CPT1C: variants seen among roughly 807,000 people sequenced by gnomAD.
CPT1C encodes palmitoyl thioesterase CPT1C.
CPT1C carries 61 observed loss-of-function variants against 97.3 expected under a neutral mutation model. The observed-to-expected ratio is 0.63, with a 90% confidence interval of 0.51 to 0.78. CPT1C has a LOEUF of 0.78. CPT1C is among the 30% of genes least tolerant of loss of function. CPT1C has a pLI of 0.00. For synonymous variants in CPT1C, 469 were observed against 447.2 expected (o/e 1.05, Z -0.61); for missense variants, 975 against 1,065.5 (o/e 0.92, Z 1.18).
intron 15 of CPT1C, 61 bp from the exon 16 acceptor site, chr19:49,710,662 C>A: frequency 6.3e-7 from 1 of 1,588,608 alleles, no homozygotes; most frequent in Non-Finnish European, 8.6e-7. Context: ...AGAGATAGGT[C>A]AAGTCTGTAA....
At chr19:49,711,610 C>T (rs559318593) in intron 16 of CPT1C, 199 bp from the exon 17 acceptor site, 7 of 609,896 alleles carry the variant, frequency 1.1e-5, no homozygotes, top group South Asian at 2.0e-5. Context: ...CCTAGGAACC[C>T]GCCTGGCTCT....
intron 13 of CPT1C, 46 bp from the exon 14 acceptor site, chr19:49,708,677 A>T: frequency 7.1e-7 from 1 of 1,410,330 alleles, no homozygotes; most frequent in Non-Finnish European, 1.0e-6. Context: ...AGATGGCCTC[A>T]GTCCACAGGG....
chr19:49,700,880 C>T (rs778674008), intron 5 of CPT1C, 25 bp downstream of exon 5: 4 of 1,606,588 alleles, frequency 2.5e-6, no homozygotes, highest in Non-Finnish European at 3.4e-6. Flanking sequence ...TAGCCCTGCT[C>T]AGGCTCTCCT....
At chr19:49,711,578 T>G (rs1400202454) in intron 16 of CPT1C, 2 of 565,486 alleles carry the variant, frequency 3.5e-6, no homozygotes, top group African/African-American at 1.9e-5. Flanking sequence ...TGGAAGGAGT[T>G]TGGACTCTGG....
In CPT1C at chr19:49,713,498, A is replaced by T. The variant is rs2084056060; in HGVS notation, c.2305A>T (p.Lys769Ter). 6.2e-7 allele frequency: 1 copy of T among 1,614,160 alleles called. No homozygotes were observed. The highest frequency in any genetic ancestry group is 8.5e-7 in the Non-Finnish European group (1 of 1,180,032). The change falls in exon 20 of 20, where the codon AAG becomes TAG. Residue 769 changes from lysine to a stop codon, truncating the protein, a stop_gained. Transcript: ENST00000598293. LOFTEE classifies it low-confidence loss of function (END_TRUNC). ...CCTGTTCCAGGCGGGACAGCATTTT[A>T]AGCGCCGGTTCAGAGGGTCAGGGAA... The part of the protein sequence containing the change: ...ASLFQAGQHF[K>*]RRFRGSGKEN...
At chr19:49,699,340 G>A (rs1238270054) in intron 4 of CPT1C, among the ~76,000 whole-genome samples, 5 of 150,206 alleles carry the variant, frequency 3.3e-5, no homozygotes, top group Non-Finnish European at 5.9e-5. Flanking sequence ...ACAATTCCAA[G>A]ACGGAGGCCG....
rs1008249736 is a variant in CPT1C at position 49,693,385 on chromosome 19, C to T, written c.141+992C>T. On this transcript the variant is annotated intron_variant, in intron 3 of 19. Coordinates refer to ENST00000598293, the MANE Select transcript of CPT1C (RefSeq NM_001199753.2). ...GAATCCTGACTCCACCGCTTAGTAG[C>T]TGTGTCATCTTGGGCAAGCACCTCT... Among the ~76,000 whole-genome samples the T allele has an allele frequency of 5.9e-5, 9 of 152,116 alleles. 1 individual carries two copies. The South Asian group carries it at 1.0e-3, about 18-fold the overall frequency.
Position 49,706,438 on chromosome 19 carries a change from C to T in CPT1C, c.1343+25C>T. On this transcript the variant is annotated intron_variant, in intron 12 of 19. Transcript: ENST00000598293. This position sits in a 1 kb window ranked among gnomAD's most constrained non-coding sequence, Gnocchi z 4.8. The stretch of plus-strand genomic sequence containing the variant: ...GGTGAGTGAGTCTTGGGATGGGGCC[C>T]CCAGATGTGGCACCCGAGAATCCAG... 1 of 1,440,240 alleles carries T rather than the reference C, an allele frequency of 6.9e-7. No individual in the cohort carries two copies. The highest frequency in any genetic ancestry group is 9.1e-7 in the Non-Finnish European group (1 of 1,104,470). The allele number at this position is 1,440,240 out of a possible 1,614,324, so 89.2% of individuals were successfully genotyped here.
At chr19:49,704,051 T>C (rs1448393968) in intron 7 of CPT1C, among the ~76,000 whole-genome samples, 3 of 152,224 alleles carry the variant, frequency 2.0e-5, no homozygotes, top group Non-Finnish European at 4.4e-5. Flanking sequence ...AGTGCTTTCT[T>C]TTGTGTTTTT....
chr19:49,706,412 C>G lies in CPT1C; in HGVS notation c.1342C>G (p.Arg448Gly). The G allele has an allele frequency of 6.8e-7, 1 of 1,477,992 alleles. No individual in the cohort carries two copies. The highest frequency in any genetic ancestry group is 8.9e-7 in the Non-Finnish European group (1 of 1,122,724). The allele number at this position is 1,477,992 out of a possible 1,614,324, so 91.6% of individuals were successfully genotyped here. A position where few individuals can be genotyped will look rare whatever the true frequency, so the allele number is the denominator to read the frequency against. ...HALLAGRGHD[R>G]WFDKSFTLIV... ...TCTGCTGGCCGGCCGGGGCCATGAT[C>G]GGTGAGTGAGTCTTGGGATGGGGCC... The change falls in exon 12 of 20, where the codon CGC (arginine) becomes GGC (glycine). Residue 448 changes from arginine to glycine, a missense_variant and splice_region_variant. This residue lies in a region of CPT1C where 596 missense variants were observed against 603.1 expected (regional missense o/e 0.99). Transcript: ENST00000598293. This position sits in a 1 kb window ranked among gnomAD's most constrained non-coding sequence, Gnocchi z 4.8.
intron 3 of CPT1C, 55 bp downstream of exon 3, chr19:49,692,448 G>A: frequency 2.5e-6 from 4 of 1,599,008 alleles, no homozygotes; most frequent in Non-Finnish European, 3.4e-6. Context: ...CTGCTTCCGG[G>A]ATGTCTGAGG....
chr19:49,708,918 C>G lies in CPT1C; in HGVS notation c.1566+79C>G. 2.2e-6 allele frequency: 2 copies of G among 922,216 alleles called. 1 individual carries two copies. The highest frequency in any genetic ancestry group is 3.4e-6 in the Non-Finnish European group (2 of 584,368). 57.1% of individuals were successfully genotyped at this position (922,216 alleles called of 1,614,324 possible). A position where few individuals can be genotyped will look rare whatever the true frequency, so the allele number is the denominator to read the frequency against. ...CTTCAAACTCATCCCCACCCCTAAT[C>G]TGAACGTGAAAATCAACCCCATTCC... On this transcript the variant is annotated intron_variant, in intron 14 of 19. Transcript: ENST00000598293.
At position 49,707,498 on chromosome 19, in the gene CPT1C, A is replaced by G; in HGVS notation, c.1344-20A>G. The G allele has an allele frequency of 3.1e-6, 5 of 1,598,358 alleles. No individual in the cohort carries two copies. In the South Asian group the frequency reaches 5.5e-5, roughly 18 times the overall value. ...CCGTGCCCCTCGCTCTTGGTGACCC[A>G]TCTGAACTCTCCCTGACAGCTGGTT... is the stretch of plus-strand genomic sequence containing the variant. On this transcript the variant is annotated intron_variant, in intron 12 of 19. Coordinates refer to ENST00000598293, the MANE Select transcript of CPT1C (RefSeq NM_001199753.2).
In CPT1C at chr19:49,713,021, T is replaced by G; in HGVS notation, c.2183T>G (p.Met728Arg). The G allele has an allele frequency of 1.2e-6, 2 of 1,614,112 alleles. No individual in the cohort carries two copies. Among genetic ancestry groups the G allele is most frequent in the Non-Finnish European group, 1.7e-6 (2 of 1,180,000 alleles). ...GVSYIFMGDG[M>R]ITFHISSKKS... is the part of the protein sequence containing the mutation. Reference sequence around the variant, plus strand: ...TCTTATATCTTCATGGGGGATGGCATGATCACCTTCCACATCTCCAGCAAA... The same window carrying G: ...TCTTATATCTTCATGGGGGATGGCAGGATCACCTTCCACATCTCCAGCAAA... Residue 728 changes from methionine (M) to arginine (R), a missense_variant, in exon 19 of 20, where the codon ATG becomes AGG. Transcript: ENST00000598293.
intron 15 of CPT1C, 37 bp downstream of exon 15, chr19:49,710,521 C>A (rs982797494): frequency 3.1e-6 from 5 of 1,613,116 alleles, no homozygotes; most frequent in Non-Finnish European, 4.2e-6. Flanking sequence ...CCCGCAGGGT[C>A]TCAGTCCACC....
At position 49,712,541 on chromosome 19, in the gene CPT1C, G is replaced by A. The variant is rs2083963705; in HGVS notation, c.2020-195G>A. The A allele has an allele frequency of 8.5e-6, 5 of 588,204 alleles. No individual in the cohort carries two copies. The South Asian group carries it at 9.8e-5, about 12-fold the overall frequency. The allele number at this position is 588,204 out of a possible 1,614,324, so 36.4% of individuals were successfully genotyped here. A position where few individuals can be genotyped will look rare whatever the true frequency, so the allele number is the denominator to read the frequency against. On this transcript the variant is annotated intron_variant, in intron 17 of 19. Transcript: ENST00000598293. ...GCGTGGTCCGAGGGAGAAGAGGAGA[G>A]GGACGTGGGTGTGGGTGGTGAGACG...
Position 49,710,689 on chromosome 19 carries a change from C to G in CPT1C, c.1732-34C>G, listed in dbSNP as rs780687060. 1.9e-6 allele frequency: 3 copies of G among 1,600,094 alleles called. No individual in the cohort carries two copies. The East Asian group carries it at 6.7e-5, about 36-fold the overall frequency. ...AGTCTGTAAGATCTCCTGAGCCCAG[C>G]TGACAGACTCCTCTTCTCCTCCCTG... On this transcript the variant is annotated intron_variant, in intron 15 of 19. Coordinates refer to ENST00000598293, the MANE Select transcript of CPT1C (RefSeq NM_001199753.2).
chr19:49,701,489 C>A lies in CPT1C; in HGVS notation c.556-8C>A. 6.2e-7 allele frequency: 1 copy of A among 1,601,272 alleles called. No homozygotes were observed. Among genetic ancestry groups the A allele is most frequent in the Non-Finnish European group, 8.5e-7 (1 of 1,170,580 alleles). ...CGGGGGCGTGACCTGCCCTCTTCTCCCCTTTAGTACCTGGAGTCGGTCCGG... is the reference window on the plus strand; with the variant it reads ...CGGGGGCGTGACCTGCCCTCTTCTCACCTTTAGTACCTGGAGTCGGTCCGG... On this transcript the variant is annotated splice_polypyrimidine_tract_variant and splice_region_variant and intron_variant, in intron 6 of 19. Transcript: ENST00000598293.
In CPT1C at chr19:49,692,402, C is replaced by G; in HGVS notation, c.141+9C>G. 3.1e-6 allele frequency: 5 copies of G among 1,613,676 alleles called. No homozygotes were observed. The highest frequency in any genetic ancestry group is 4.2e-6 in the Non-Finnish European group (5 of 1,179,718). ...ATCTCTCACGTTTCTGGGTGAGGAG[C>G]GGTGCTGGTCGGTTTCCTTCCGGGG... is the stretch of plus-strand genomic sequence containing the variant. On this transcript the variant is annotated intron_variant, in intron 3 of 19. Coordinates refer to ENST00000598293, the MANE Select transcript of CPT1C (RefSeq NM_001199753.2).
Sources: gnomAD v4.1 joint callset for allele counts (sites outside exome capture counted in the v4.1 genomes callset) on GRCh38, gnomAD v4.1.1 for gene constraint, gnomAD v4.1.1 regional missense constraint, Gnocchi (gnomAD v3.1) non-coding constraint, MANE v1.5 for transcripts, NCBI Gene and HGNC (gene_info 2026-07-23, HGNC 2026-07-21) for gene names.